The following HERC4 variants were observed in gnomAD, a reference collection of about 807,000 sequenced individuals.
HERC4 encodes the protein probable E3 ubiquitin-protein ligase HERC4.
HERC4 carries 28 observed loss-of-function variants against 124.3 expected under a neutral mutation model. The observed-to-expected ratio is 0.23, with a 90% CI of 0.17 to 0.31. HERC4 has a LOEUF of 0.31. Ranked by LOEUF, HERC4 falls within the 10% of genes least tolerant of loss-of-function variation. HERC4 has a pLI of 1.00. For missense variants in HERC4, 713 were observed against 1,229.3 expected, an observed-to-expected ratio of 0.58 and a Z score of 6.28; for synonymous variants, 407 against 421.5, an observed-to-expected ratio of 0.97 and a Z score of 0.42.
Position 67,939,668 on chromosome 10 carries a change from T to C in HERC4, c.2505-14A>G, listed in dbSNP as rs912371238. On this transcript the variant is annotated splice_polypyrimidine_tract_variant and intron_variant, in intron 20 of 24. Transcript: ENST00000373700. ...TGTTGCATGCTTCTGCAAAATAATA[T>C]ATATGTTTCTGAGAGGAAAAAATTA... is the stretch of plus-strand genomic sequence containing the variant. 3.2e-6 allele frequency: 5 copies of C among 1,565,152 alleles called. No individual in the cohort carries two copies. The highest frequency in any genetic ancestry group is 2.7e-5 in the African/African-American group (2 of 73,522).
chr10:68,016,137 T>C (rs971963365), intron 8 of HERC4, among the ~76,000 whole-genome samples: 2 of 152,004 alleles, frequency 1.3e-5, no homozygotes, highest in African/African-American at 2.4e-5. Context: ...GTGATTATAG[T>C]ATAAAGTGGG....
intron 15 of HERC4, among the ~76,000 whole-genome samples, chr10:67,986,083 C>T (rs1182146269): frequency 6.6e-6 from 1 of 152,184 alleles, no homozygotes; most frequent in African/African-American, 2.4e-5. Context: ...TTCATATCTA[C>T]AGATACCTAT....
intron 9 of HERC4, among the ~76,000 whole-genome samples, chr10:68,001,688 TA>T (rs1430661189): frequency 6.6e-6 from 1 of 152,170 alleles, no homozygotes; most frequent in African/African-American, 2.4e-5. Flanking sequence ...CTTCATCTTC[TA>T]AAACAGAAAC....
At chr10:68,007,103 A>G (rs1394603080) in intron 9 of HERC4, among the ~76,000 whole-genome samples, 1 of 152,070 alleles carries the variant, frequency 6.6e-6, no homozygotes, top group East Asian at 1.9e-4. Flanking sequence ...AAGGCCAGTA[A>G]CCCTTAGATT....
rs917632520 is a variant in HERC4, at chr10:68,040,088, G to A, written c.387-1919C>T. 3.8e-5 allele frequency: 34 copies of A among 896,088 alleles called. No individual in the cohort carries two copies. In the African/African-American group the frequency reaches 4.9e-4, roughly 13 times the overall value. 55.5% of individuals were successfully genotyped at this position (896,088 alleles called of 1,614,324 possible). A position where few individuals can be genotyped will look rare whatever the true frequency, so the allele number is the denominator to read the frequency against. Reference sequence around the variant, plus strand: ...TACTATAGTGCCTAATTAATAGTACGTAATGAATATACTGTTAAAGGATAA... The same window carrying A: ...TACTATAGTGCCTAATTAATAGTACATAATGAATATACTGTTAAAGGATAA... On this transcript the variant is annotated intron_variant, in intron 4 of 24. Coordinates refer to ENST00000373700, the MANE Select transcript of HERC4 (RefSeq NM_015601.4).
chr10:67,990,903 C>A lies in HERC4; in HGVS notation c.1443+1G>T. ...GTAAACATAATACTTTAAAAACAGA[C>A]CTGCTGAGATATCTGCGGATGATCA... On this transcript the variant is annotated splice_donor_variant, in intron 13 of 24. Coordinates refer to ENST00000373700, the MANE Select transcript of HERC4 (RefSeq NM_015601.4). LOFTEE classifies it high-confidence loss of function. The A allele has an allele frequency of 6.4e-7, 1 of 1,571,218 alleles. No homozygotes were observed. Among genetic ancestry groups the A allele is most frequent in the Non-Finnish European group, 8.7e-7 (1 of 1,149,214 alleles).
At chr10:68,072,683 CTAG>C (rs1345266664) in intron 3 of HERC4, among the ~76,000 whole-genome samples, 197 bp downstream of exon 3, 1 of 151,412 alleles carries the variant, frequency 6.6e-6, no homozygotes, top group African/African-American at 2.4e-5. Context: ...TTTTATAATA[CTAG>C]TAGTAAAAAA....
intron 22 of HERC4, among the ~76,000 whole-genome samples, chr10:67,934,901 G>T (rs930310701): frequency 6.6e-6 from 1 of 150,482 alleles, no homozygotes; most frequent in Middle Eastern, 3.2e-3. Context: ...TTCGTTTCTG[G>T]GAAGTTTTTT....
chr10:68,058,573 TCTTTGCA>T (rs1490141551), intron 3 of HERC4, among the ~76,000 whole-genome samples: 2 of 152,304 alleles, frequency 1.3e-5, no homozygotes, highest in Middle Eastern at 3.4e-3. Flanking sequence ...TAGGCATTGT[TCTTTGCA>T]CTGTTAGGTT....
intron 15 of HERC4, among the ~76,000 whole-genome samples, chr10:67,971,281 T>C (rs1470704853): frequency 6.6e-6 from 1 of 152,114 alleles, no homozygotes; most frequent in Non-Finnish European, 1.5e-5. Flanking sequence ...ATTTCTTAAT[T>C]CATTTTATGA....
At chr10:67,979,670 G>A (rs957712555) in intron 15 of HERC4, among the ~76,000 whole-genome samples, 1 of 152,126 alleles carries the variant, frequency 6.6e-6, no homozygotes, top group South Asian at 2.1e-4. Context: ...AAAGGTCAAT[G>A]ATAAACCAAG....
At chr10:68,058,082 G>GA (rs76194386) in intron 3 of HERC4, among the ~76,000 whole-genome samples, 42 of 149,334 alleles carry the variant, frequency 2.8e-4, no homozygotes, top group Admixed American at 4.0e-4. Flanking sequence ...CTTCTCACAA[G>GA]AAAAAAAAAG....
At chr10:67,942,796 ATAC>A (rs1457896587) in intron 19 of HERC4, among the ~76,000 whole-genome samples, 14 of 152,226 alleles carry the variant, frequency 9.2e-5, no homozygotes, top group African/African-American at 3.1e-4. Context: ...CAGGCGTGAG[ATAC>A]TGCGCCAGCT....
intron 19 of HERC4, among the ~76,000 whole-genome samples, chr10:67,953,751 C>A (rs1405414923): frequency 6.6e-6 from 1 of 152,112 alleles, no homozygotes; most frequent in Non-Finnish European, 1.5e-5. Context: ...GAATCCTTTC[C>A]TATGAATTGC....
intron 23 of HERC4, among the ~76,000 whole-genome samples, chr10:67,930,878 C>T (rs1415067222): frequency 6.6e-6 from 1 of 152,104 alleles, no homozygotes; most frequent in Non-Finnish European, 1.5e-5. Flanking sequence ...TGGGGTTTCA[C>T]CATGTTGGCC....
intron 3 of HERC4, among the ~76,000 whole-genome samples, chr10:68,061,198 T>C (rs1044656274): frequency 6.6e-6 from 1 of 152,110 alleles, no homozygotes. Context: ...ACCTATGTCA[T>C]TGCACCTTCT....
In HERC4 at chr10:68,016,394, C is replaced by T. The variant is rs187205843; in HGVS notation, c.909-2208G>A. Among the ~76,000 whole-genome samples the T allele has an allele frequency of 3.7e-3, 569 of 152,160 alleles. 2 individuals carry two copies. The highest frequency in any genetic ancestry group is 0.013 in the African/African-American group (531 of 41,512). ...TTTGAGATGGAGTCTCACTCTGTTG[C>T]CAGGCTGGAGTGCAGTGGCGTGATC... On this transcript the variant is annotated intron_variant, in intron 8 of 24. Coordinates refer to ENST00000373700, the MANE Select transcript of HERC4 (RefSeq NM_015601.4).
At chr10:68,044,630 T>C in intron 3 of HERC4, 67 bp from the exon 4 acceptor site, 1 of 1,442,312 alleles carries the variant, frequency 6.9e-7, no homozygotes, top group Non-Finnish European at 9.5e-7. Context: ...TATTGCATTC[T>C]AGTTTTGAAC....
At chr10:67,941,669 CTTTT>C (rs755666986) in intron 19 of HERC4, among the ~76,000 whole-genome samples, 10 of 91,760 alleles carry the variant, frequency 1.1e-4, no homozygotes, top group African/African-American at 2.4e-4. Flanking sequence ...TAAAACACAA[CTTTT>C]TTTTTTTTTT....
Sources: gnomAD v4.1 joint callset for allele counts (sites outside exome capture counted in the v4.1 genomes callset) on GRCh38, gnomAD v4.1.1 for gene constraint, MANE v1.5 for transcripts, NCBI Gene and HGNC (gene_info 2026-07-23, HGNC 2026-07-21) for gene names.